Variants in FBRSL1 observed in about 807,000 individuals in gnomAD.
FBRSL1 encodes fibrosin like 1.
FBRSL1 carries 51 observed loss-of-function variants against 89.6 expected under a neutral mutation model. The ratio of observed to expected loss-of-function variants is 0.57; its 90% confidence interval spans 0.45 to 0.72. FBRSL1 has a LOEUF of 0.72. FBRSL1 is among the 30% of genes least tolerant of loss of function. The pLI, the probability that FBRSL1 is intolerant of heterozygous loss-of-function variation, is 0.00. For synonymous variants in FBRSL1, 779 were observed against 681.1 expected, an observed-to-expected ratio of 1.14 and a Z score of -2.24; for missense variants, 1,618 against 1,451.8, an observed-to-expected ratio of 1.11 and a Z score of -1.86.
chr12:132,523,065 A>G (rs2136883914), intron 2 of FBRSL1, among the ~76,000 whole-genome samples: 1 of 152,216 alleles, frequency 6.6e-6, no homozygotes, highest in South Asian at 2.1e-4. Context: ...CAGGTGCAGT[A>G]GCTCCTGCCC....
chr12:132,517,834 T>C (rs2034983819), intron 2 of FBRSL1, among the ~76,000 whole-genome samples: 1 of 151,992 alleles, frequency 6.6e-6, no homozygotes, highest in Non-Finnish European at 1.5e-5. Flanking sequence ...GCAGCACGGT[T>C]GTGGGGGTGG....
intron 5 of FBRSL1, among the ~76,000 whole-genome samples, chr12:132,558,990 A>T (rs957047502): frequency 6.6e-6 from 1 of 152,312 alleles, no homozygotes; most frequent in Middle Eastern, 3.4e-3. Flanking sequence ...ATCGCGTTTG[A>T]GTTCGCAGTT....
chr12:132,507,915 T>C (rs567223656), intron 1 of FBRSL1, among the ~76,000 whole-genome samples: 197 of 152,240 alleles, frequency 1.3e-3, no homozygotes, highest in African/African-American at 4.5e-3. Flanking sequence ...TTTTCTCGTC[T>C]GGCCCCTTCG....
chr12:132,494,880 C>T (rs1386464524), intron 1 of FBRSL1, among the ~76,000 whole-genome samples: 1 of 152,238 alleles, frequency 6.6e-6, no homozygotes, highest in African/African-American at 2.4e-5. Context: ...TCCACATTCT[C>T]TGCTCAGCAT....
intron 4 of FBRSL1, among the ~76,000 whole-genome samples, chr12:132,545,382 G>C (rs1196990669): frequency 1.3e-5 from 2 of 152,220 alleles, no homozygotes; most frequent in Admixed American, 1.3e-4. Flanking sequence ...CGACTCCACT[G>C]CAGTTAAACA....
chr12:132,502,609 G>C (rs2033128169), intron 1 of FBRSL1, among the ~76,000 whole-genome samples: 1 of 152,082 alleles, frequency 6.6e-6, no homozygotes, highest in African/African-American at 2.4e-5. Context: ...CGGTTCTCCA[G>C]GCGTGGCTGG....
At chr12:132,544,024 A>G (rs1407892941) in intron 4 of FBRSL1, among the ~76,000 whole-genome samples, 1 of 152,056 alleles carries the variant, frequency 6.6e-6, no homozygotes, top group Non-Finnish European at 1.5e-5. Flanking sequence ...CTTAGGCGTG[A>G]GGGCCGGGGC....
At chr12:132,492,576 C>T (rs1452978691) in intron 1 of FBRSL1, among the ~76,000 whole-genome samples, 2 of 152,214 alleles carry the variant, frequency 1.3e-5, no homozygotes, top group Non-Finnish European at 2.9e-5. Flanking sequence ...CTCAGGAGAT[C>T]CAGGGCCAAT....
chr12:132,522,924 C>T (rs990109143), intron 2 of FBRSL1, among the ~76,000 whole-genome samples: 4 of 152,164 alleles, frequency 2.6e-5, no homozygotes, highest in Non-Finnish European at 1.5e-5. Context: ...TCCTTTGTCA[C>T]TCTAGGGGGG....
intron 11 of FBRSL1, among the ~76,000 whole-genome samples, chr12:132,573,188 G>A (rs1474379764): frequency 2.0e-5 from 3 of 152,206 alleles, no homozygotes; most frequent in African/African-American, 7.2e-5. Flanking sequence ...ACAGCTCTCA[G>A]TCCTGAAGCC....
intron 2 of FBRSL1, among the ~76,000 whole-genome samples, chr12:132,522,865 T>C (rs1359029584): frequency 1.3e-5 from 2 of 152,070 alleles, no homozygotes; most frequent in Non-Finnish European, 2.9e-5. Flanking sequence ...CCCCCGCACC[T>C]GCCGCCTGGC....
At chr12:132,509,291 G>A (rs1199257988) in intron 2 of FBRSL1, 18 of 1,252,352 alleles carry the variant, frequency 1.4e-5, no homozygotes, top group East Asian at 9.5e-5. Context: ...CAGCCCCGTC[G>A]GCACTCCCGG....
At chr12:132,496,036 T>G (rs1475583077) in intron 1 of FBRSL1, among the ~76,000 whole-genome samples, 17 of 152,248 alleles carry the variant, frequency 1.1e-4, no homozygotes, top group Admixed American at 1.1e-3. Context: ...TGTCAGTTCT[T>G]GGCTCAGGTT....
chr12:132,560,174 C>T (rs1337494836), intron 5 of FBRSL1: 1 of 151,736 alleles, frequency 6.6e-6, no homozygotes, highest in African/African-American at 2.4e-5. Flanking sequence ...ACGCCCGCGT[C>T]CATGCAGCCC....
chr12:132,567,420 G>A (rs546516740), intron 5 of FBRSL1, 61 bp from the exon 6 acceptor site: 18 of 1,511,978 alleles, frequency 1.2e-5, no homozygotes, highest in East Asian at 4.9e-5. Context: ...GGCATTGGGC[G>A]CAAGGTCCAC....
Position 132,529,747 on chromosome 12 carries a change from T to TCTCTGCCACCCTGGGCTCAG in FBRSL1, c.615+1778_615+1797dup, listed in dbSNP as rs1445697092. 2.7e-5 allele frequency among the ~76,000 whole-genome samples: 4 copies of TCTCTGCCACCCTGGGCTCAG among 147,814 alleles called. No individual in the cohort carries two copies. The East Asian group carries it at 6.0e-4, about 22-fold the overall frequency. On this transcript the variant is annotated intron_variant, in intron 4 of 18. Transcript: ENST00000680143. ...CCTGGGCTCTACCACCCTGGGCTCTTCTCTGCCACCCTGGGCTCAGCTCTG... is the reference window on the plus strand; with the variant it reads ...CCTGGGCTCTACCACCCTGGGCTCTTCTCTGCCACCCTGGGCTCAGCTCTGCCACCCTGGGCTCAGCTCTG...
intron 4 of FBRSL1, 110 bp downstream of exon 4, chr12:132,528,098 C>T: frequency 1.0e-6 from 1 of 976,106 alleles, no homozygotes; most frequent in Non-Finnish European, 1.6e-6. Context: ...AGTCCCGTGC[C>T]CGCTTTCCCT....
At chr12:132,492,834 C>T (rs1265631435) in intron 1 of FBRSL1, among the ~76,000 whole-genome samples, 1 of 152,248 alleles carries the variant, frequency 6.6e-6, no homozygotes, top group East Asian at 1.9e-4. Flanking sequence ...AAGTACGGGG[C>T]TTCTGCACAA....
chr12:132,572,476 G>A (rs769198659), intron 10 of FBRSL1, 51 bp from the exon 11 acceptor site: 16 of 1,501,032 alleles, frequency 1.1e-5, no homozygotes, highest in Non-Finnish European at 1.5e-5. Flanking sequence ...ACAGGCAGAG[G>A]GTGGGGTGAG....
Sources: gnomAD v4.1 joint callset for allele counts (sites outside exome capture counted in the v4.1 genomes callset) on GRCh38, gnomAD v4.1.1 for gene constraint, MANE v1.5 for transcripts, NCBI Gene and HGNC (gene_info 2026-07-23, HGNC 2026-07-21) for gene names.